Variants in PDXDC1 observed in about 807,000 individuals in gnomAD.
PDXDC1 encodes the protein pyridoxal-dependent decarboxylase domain-containing protein 1.
In PDXDC1, 42 loss-of-function variants were observed where a neutral mutation model predicts 100.1. The observed-to-expected ratio is 0.42, with a 90% CI of 0.33 to 0.54. PDXDC1 has a LOEUF of 0.54. Ranked by LOEUF, PDXDC1 falls within the 20% of genes least tolerant of loss-of-function variation. PDXDC1 has a pLI of 0.10. For missense variants in PDXDC1, 636 were observed against 979.2 expected (o/e 0.65, Z 4.68); for synonymous variants, 260 against 371.7 (o/e 0.70, Z 3.46).
intron 16 of PDXDC1, among the ~76,000 whole-genome samples, chr16:15,048,988 G>A (rs1388470108): frequency 6.8e-6 from 1 of 146,700 alleles, no homozygotes; most frequent in Non-Finnish European, 1.5e-5. Flanking sequence ...CAAACTCCTG[G>A]GCTCAAGCAA....
intron 16 of PDXDC1, chr16:15,047,889 G>A (rs767847152): frequency 8.1e-6 from 13 of 1,613,412 alleles, no homozygotes; most frequent in Non-Finnish European, 9.3e-6. Flanking sequence ...GACAAGTAGT[G>A]GCATCATCAG....
intron 1 of PDXDC1, among the ~76,000 whole-genome samples, chr16:14,986,131 G>A (rs1317357157): frequency 6.6e-6 from 1 of 152,266 alleles, no homozygotes; most frequent in Non-Finnish European, 1.5e-5. Context: ...AAATGCTCAC[G>A]AAGGTATGAA....
intron 16 of PDXDC1, chr16:15,055,797 A>C: frequency 1.5e-6 from 1 of 660,506 alleles, no homozygotes; most frequent in Non-Finnish European, 2.1e-6. Flanking sequence ...CAACAGCGCC[A>C]AGTTTCAAGT....
At chr16:15,150,131 T>A in the PDXDC1 span, among the ~76,000 whole-genome samples, 1 of 150,842 alleles carries the variant, frequency 6.6e-6, no homozygotes, top group East Asian at 2.0e-4. Flanking sequence ...GATCACGAGG[T>A]CAGGAGATCC....
At chr16:15,022,466 C>T (rs540868047) in intron 12 of PDXDC1, among the ~76,000 whole-genome samples, 32 of 152,388 alleles carry the variant, frequency 2.1e-4, no homozygotes, top group African/African-American at 6.5e-4. Flanking sequence ...GCAAATACAA[C>T]AGATTTCCAT....
chr16:14,992,282 G>T (rs1470985656), intron 1 of PDXDC1, among the ~76,000 whole-genome samples: 6 of 152,294 alleles, frequency 3.9e-5, no homozygotes, highest in Admixed American at 3.9e-4. Context: ...ATCTGTAAAG[G>T]CTTCCTGGAA....
At position 15,028,905 on chromosome 16, in the gene PDXDC1, C is replaced by T. The variant is rs749583716; in HGVS notation, c.1232C>T (p.Pro411Leu). The T allele has an allele frequency of 1.5e-5, 24 of 1,613,996 alleles. No individual in the cohort carries two copies. Among genetic ancestry groups the T allele is most frequent in the Non-Finnish European group, 2.0e-5 (24 of 1,180,034 alleles). Residue 411 changes from proline to leucine, a missense_variant, in exon 15 of 23, where the codon CCC (proline) becomes CTC (leucine). Transcript: ENST00000396410. The stretch of plus-strand genomic sequence containing the variant: ...CCGGTGTTTAAAGCCGTCCCAGTGC[C>T]CAACATGACACCTTCAGGAGTCGGC... Reference protein sequence around the residue: ...SDPVFKAVPVPNMTPSGVGRE... With the variant: ...SDPVFKAVPVLNMTPSGVGRE...
At chr16:15,045,927 C>T (rs777915296) in intron 16 of PDXDC1, 1 of 152,226 alleles carries the variant, frequency 6.6e-6, no homozygotes, top group Non-Finnish European at 1.5e-5. Flanking sequence ...TCATAATAAA[C>T]TCCAAGTAGT....
At chr16:15,144,870 G>T in the PDXDC1 span, among the ~76,000 whole-genome samples, 2 of 152,182 alleles carry the variant, frequency 1.3e-5, no homozygotes, top group African/African-American at 4.8e-5. Flanking sequence ...GAAGGAGAGC[G>T]CTTCATACGT....
intron 16 of PDXDC1, chr16:15,125,559 A>G (rs1340141205): frequency 6.4e-7 from 1 of 1,566,864 alleles, no homozygotes; most frequent in Non-Finnish European, 8.8e-7. Context: ...ACCTCTTAGA[A>G]TCATCCAGAA....
chr16:14,993,715 C>T (rs1971367959), intron 1 of PDXDC1, among the ~76,000 whole-genome samples: 1 of 152,304 alleles, frequency 6.6e-6, no homozygotes, highest in Non-Finnish European at 1.5e-5. Context: ...GAGGAATCGC[C>T]ACACTGACTT....
chr16:15,137,796 C>T lies in PDXDC1; in HGVS notation c.1400-1083C>T, dbSNP rs551136377. 1.7e-4 allele frequency: 272 copies of T among 1,580,068 alleles called. No individual in the cohort carries two copies. In the African/African-American group the frequency reaches 3.4e-3, roughly 20 times the overall value. ...AAGGGGATGCCAAGCAGAGGCTGGCCAGCCAGGGAGTCAGGCCCAGCACAC... is the reference window on the plus strand; with the variant it reads ...AAGGGGATGCCAAGCAGAGGCTGGCTAGCCAGGGAGTCAGGCCCAGCACAC... On this transcript the variant is annotated intron_variant, in intron 16 of 16. Transcript: ENST00000535621.
In PDXDC1 at chr16:15,092,570, G is replaced by A. The variant is rs748240035; in HGVS notation, c.1400-46309G>A. The A allele has an allele frequency of 4.5e-5, 72 of 1,613,412 alleles. 1 individual carries two copies. The South Asian group carries it at 5.8e-4, about 13-fold the overall frequency. On this transcript the variant is annotated intron_variant, in intron 16 of 16. Transcript: ENST00000535621. The stretch of plus-strand genomic sequence containing the variant: ...ACCAAACCGAACAGTTTTTCTTGGG[G>A]GAGAATTGAAAAAGTCATTCTCTAA...
At position 15,046,687 on chromosome 16, in the gene PDXDC1, C is replaced by T. The variant is rs2044079330; in HGVS notation, c.1399+16631C>T. The stretch of plus-strand genomic sequence containing the variant: ...CCGGCCTGGGCAACTTGGCAAAACC[C>T]TGTCTCTACCAAAAAAAAAAAAAAA... On this transcript the variant is annotated intron_variant, in intron 16 of 16. Transcript: ENST00000535621. 2.1e-5 allele frequency among the ~76,000 whole-genome samples: 3 copies of T among 140,768 alleles called. No homozygotes were observed. The South Asian group carries it at 6.9e-4, about 32-fold the overall frequency. 92.3% of individuals were successfully genotyped at this position (140,768 alleles called of 152,430 possible). A position where few individuals can be genotyped will look rare whatever the true frequency, so the allele number is the denominator to read the frequency against.
chr16:15,001,043 G>A (rs1306044729), intron 3 of PDXDC1, among the ~76,000 whole-genome samples: 1 of 152,184 alleles, frequency 6.6e-6, no homozygotes, highest in Non-Finnish European at 1.5e-5. Flanking sequence ...CAAATGAAAT[G>A]TATAGAAATG....
chr16:15,051,379 G>A (rs1007013245), intron 16 of PDXDC1, among the ~76,000 whole-genome samples: 1 of 152,192 alleles, frequency 6.6e-6, no homozygotes, highest in Non-Finnish European at 1.5e-5. Flanking sequence ...TTTTTAAACA[G>A]GGTCTTACTG....
intron 1 of PDXDC1, among the ~76,000 whole-genome samples, chr16:14,997,365 C>T (rs1972206280): frequency 6.6e-6 from 1 of 152,248 alleles, no homozygotes; most frequent in Non-Finnish European, 1.5e-5. Flanking sequence ...GGTGAAACCC[C>T]CCCGTCTCTA....
intron 16 of PDXDC1, among the ~76,000 whole-genome samples, chr16:15,069,791 C>T (rs1373423649): frequency 1.3e-5 from 2 of 152,184 alleles, no homozygotes; most frequent in Non-Finnish European, 2.9e-5. Context: ...CTCAGCCTCA[C>T]CTCTGGAGAC....
chr16:15,139,813 G>A (rs1248258130), downstream of PDXDC1, among the ~76,000 whole-genome samples: 1 of 152,016 alleles, frequency 6.6e-6, no homozygotes, highest in South Asian at 2.1e-4. Context: ...AGAAAAGAAA[G>A]ATGGCTGGGC....
Sources: allele counts gnomAD v4.1 joint callset (sites outside exome capture counted in the v4.1 genomes callset), GRCh38; gene constraint gnomAD v4.1.1; transcripts MANE v1.5; gene names NCBI Gene and HGNC (gene_info 2026-07-23, HGNC 2026-07-21).